The following DDB1 variants were observed in gnomAD, a reference collection of about 807,000 sequenced individuals.
The protein encoded by DDB1 is damage specific DNA binding protein 1, also known as DNA damage-binding protein 1.
Under a neutral mutation model 133.1 loss-of-function variants are expected in DDB1, and 18 were observed. That is an observed-to-expected ratio of 0.14 (90% CI 0.09 to 0.20). DDB1 has a LOEUF of 0.20. DDB1 is among the 10% of genes least tolerant of loss of function. The pLI is 1.00. For synonymous variants in DDB1, 580 were observed against 550.5 expected (o/e 1.05, Z -0.75); for missense variants, 828 against 1,459.2 (o/e 0.57, Z 7.05).
At chr11:61,311,298 TAAC>T (rs144287429) in intron 18 of DDB1, 1 of 149,086 alleles carries the variant, frequency 6.7e-6, no homozygotes, top group African/African-American at 2.6e-5. Flanking sequence ...TAACATAACA[TAAC>T]ATAACATAAC....
At chr11:61,310,055 A>T in intron 19 of DDB1, 95 bp from the exon 20 acceptor site, 1 of 1,525,858 alleles carries the variant, frequency 6.6e-7, no homozygotes, top group Non-Finnish European at 9.1e-7. Context: ...TTAGGCAGTG[A>T]CAAAGCGTGT....
intron 12 of DDB1, 55 bp downstream of exon 12, chr11:61,316,230 T>C (rs767030839): frequency 1.3e-5 from 19 of 1,481,496 alleles, no homozygotes; most frequent in Non-Finnish European, 2.8e-6. Context: ...TGCTCTGTAC[T>C]GCATCTAGGT....
At position 61,330,074 on chromosome 11, in the gene DDB1, C is replaced by T; in HGVS notation, c.211G>A (p.Gly71Arg). ...ATAAACAGCAGGTCCTTGCTCTCCCCCTGGAAACCAATATTATGCTATCAA... is the reference window on the plus strand; with the variant it reads ...ATAAACAGCAGGTCCTTGCTCTCCCTCTGGAAACCAATATTATGCTATCAA... ...IAVMELFRPK[G>R]ESKDLLFILT... The change falls in exon 3 of 27, where the codon GGG (glycine) becomes AGG (arginine). Residue 71 changes from glycine (G) to arginine (R), a missense_variant and splice_region_variant. Physicochemically the swap from Gly to Arg is moderately radical, Grantham distance 125. Coordinates refer to ENST00000301764, the MANE Select transcript of DDB1 (RefSeq NM_001923.5). The T allele has an allele frequency of 1.2e-6, 2 of 1,611,444 alleles. No individual in the cohort carries two copies. The highest frequency in any genetic ancestry group is 1.7e-6 in the Non-Finnish European group (2 of 1,177,956).
rs371631979 is a variant in DDB1, at chr11:61,309,778, G to C, written c.2566+18C>G. On this transcript the variant is annotated intron_variant, in intron 20 of 26. Coordinates refer to ENST00000301764, the MANE Select transcript of DDB1 (RefSeq NM_001923.5). ...AGCATTTCACATCCCTCAGAAACTG[G>C]AGACTGCGCCCACTTACCATCCGAA... 3 of 1,604,630 alleles carry C rather than the reference G, an allele frequency of 1.9e-6. No homozygotes were observed. The highest frequency in any genetic ancestry group is 2.6e-6 in the Non-Finnish European group (3 of 1,174,256).
intron 25 of DDB1, 97 bp from the exon 26 acceptor site, chr11:61,301,029 G>C: frequency 6.6e-7 from 1 of 1,514,378 alleles, no homozygotes; most frequent in Admixed American, 2.1e-5. Flanking sequence ...CAATCATCAG[G>C]ATTAGAAAGG....
intron 25 of DDB1, 86 bp downstream of exon 25, chr11:61,302,171 T>G: frequency 8.7e-7 from 1 of 1,153,846 alleles, no homozygotes; most frequent in Non-Finnish European, 1.3e-6. Context: ...AATCAAGACA[T>G]GTAGTAGCTT....
At chr11:61,302,488 C>T (rs1855814491) in intron 24 of DDB1, 94 bp downstream of exon 24, 1 of 1,587,292 alleles carries the variant, frequency 6.3e-7, no homozygotes, top group Middle Eastern at 1.8e-4. Flanking sequence ...TAGTAAACAC[C>T]TAGGTCTTGT....
intron 18 of DDB1, chr11:61,310,627 T>A: frequency 2.1e-6 from 1 of 474,950 alleles, no homozygotes; most frequent in Non-Finnish European, 3.6e-6. Context: ...TAAGGGTCAT[T>A]AAAGACAAAA....
At chr11:61,306,324 G>A (rs1215657193) in intron 21 of DDB1, among the ~76,000 whole-genome samples, 1 of 152,082 alleles carries the variant, frequency 6.6e-6, no homozygotes, top group Non-Finnish European at 1.5e-5. Context: ...CATAGCACTG[G>A]AACAGGAGGT....
At chr11:61,301,758 G>A (rs1346725115) in intron 25 of DDB1, 1 of 152,948 alleles carries the variant, frequency 6.5e-6, no homozygotes, top group East Asian at 1.9e-4. Context: ...CCTCCAGGGG[G>A]GCGGGGAGGG....
chr11:61,300,356 G>GC, intron 26 of DDB1, 137 bp from the exon 27 acceptor site: 2 of 858,788 alleles, frequency 2.3e-6, no homozygotes, highest in South Asian at 1.5e-5. Flanking sequence ...AGAAACCCAC[G>GC]CCTCCCCCTG....
intron 25 of DDB1, chr11:61,301,579 A>G (rs1320309597): frequency 6.6e-6 from 1 of 152,200 alleles, no homozygotes; most frequent in African/African-American, 2.4e-5. Context: ...TCCAATTAAA[A>G]CAAAAAAAGA....
intron 6 of DDB1, chr11:61,324,357 T>C (rs1320786348): frequency 9.7e-6 from 5 of 514,426 alleles, no homozygotes; most frequent in Non-Finnish European, 1.8e-5. Context: ...TCCATCAATA[T>C]ATCTTATATG....
chr11:61,316,946 G>GATAGATATATAT (rs1856083561), intron 10 of DDB1, among the ~76,000 whole-genome samples: 3 of 29,080 alleles, frequency 1.0e-4, no homozygotes, highest in African/African-American at 2.1e-4. Flanking sequence ...AAAAAGGATA[G>GATAGATATATAT]ATATATATAT....
chr11:61,331,271 A>G (rs1013938619), intron 2 of DDB1, among the ~76,000 whole-genome samples: 2 of 152,194 alleles, frequency 1.3e-5, no homozygotes, highest in African/African-American at 2.4e-5. Context: ...AAAAAAGAGA[A>G]GAGTTTTTCT....
rs78394004 is a variant in DDB1, at chr11:61,319,425, C to T, written c.1225+2170G>A. ...CTGGTAGGGCTAACATGTCTCACTG[C>T]TTTCTTTTTTTTTCTTTTTTTTTTT... On this transcript the variant is annotated intron_variant, in intron 10 of 26. Transcript: ENST00000301764. Among the ~76,000 whole-genome samples, 502 of 151,812 alleles carry T rather than the reference C, an allele frequency of 3.3e-3. 5 individuals are homozygous for T. The highest frequency in any genetic ancestry group is 0.012 in the African/African-American group (487 of 41,398).
At chr11:61,319,823 T>G (rs1856149292) in intron 10 of DDB1, among the ~76,000 whole-genome samples, 1 of 152,250 alleles carries the variant, frequency 6.6e-6, no homozygotes, top group South Asian at 2.1e-4. Flanking sequence ...GTATACATAT[T>G]CAGGTACATT....
At chr11:61,332,850 G>A (rs748390471) in intron 1 of DDB1, 58 bp downstream of exon 1, 43 of 1,376,732 alleles carry the variant, frequency 3.1e-5, no homozygotes, top group African/African-American at 4.6e-5. Context: ...GGCCTCCCTA[G>A]GCCGCGGCTC....
chr11:61,332,931 G>A lies in DDB1; in HGVS notation c.38C>T (p.Thr13Ile). ...ACCGGTCACGCAGCCGTTCACGGCGGTGGGCTTCTGGGCCGTTACCACGTA... is the reference window on the plus strand; with the variant it reads ...ACCGGTCACGCAGCCGTTCACGGCGATGGGCTTCTGGGCCGTTACCACGTA... ...YNYVVTAQKP[T>I]AVNGCVTGHF... is the part of the protein sequence containing the mutation. The change falls in exon 1 of 27, where the codon ACC becomes ATC. Residue 13 changes from threonine to isoleucine, a missense_variant. Physicochemically the swap from Thr to Ile is moderately conservative, Grantham distance 89 (BLOSUM62 -1). Coordinates refer to ENST00000301764, the MANE Select transcript of DDB1 (RefSeq NM_001923.5). 6.6e-7 allele frequency: 1 copy of A among 1,512,962 alleles called. No individual in the cohort carries two copies. 93.7% of individuals were successfully genotyped at this position (1,512,962 alleles called of 1,614,324 possible).
Sources: allele counts gnomAD v4.1 joint callset (sites outside exome capture counted in the v4.1 genomes callset), GRCh38; gene constraint gnomAD v4.1.1; transcripts MANE v1.5; gene names NCBI Gene and HGNC (gene_info 2026-07-23, HGNC 2026-07-21).